Variants in CTNNA3 observed in about 807,000 individuals in gnomAD.
The protein encoded by CTNNA3 is catenin alpha 3.
A neutral mutation model predicts 95.7 loss-of-function variants in CTNNA3; 76 were observed. That is an observed-to-expected ratio of 0.79 (90% CI 0.66 to 0.96). CTNNA3 has a LOEUF of 0.96. Ranked by LOEUF, CTNNA3 falls within the 40% of genes least tolerant of loss-of-function variation. The probability of loss-of-function intolerance (pLI) is 0.00; values close to 1 mark genes in which losing one functional copy is unlikely to be tolerated. For missense variants in CTNNA3, 1,191 were observed against 1,089.8 expected (o/e 1.09, Z -1.31); for synonymous variants, 431 against 374.4 (o/e 1.15, Z -1.74).
intron 7 of CTNNA3, among the ~76,000 whole-genome samples, chr10:67,030,198 A>C (rs1327216542): frequency 1.3e-5 from 2 of 152,338 alleles, no homozygotes; most frequent in Middle Eastern, 3.4e-3. Context: ...ACATTCATTT[A>C]TTGCATTTTT....
chr10:66,867,651 T>C (rs1241359112), intron 7 of CTNNA3, among the ~76,000 whole-genome samples: 3 of 152,062 alleles, frequency 2.0e-5, no homozygotes, highest in Non-Finnish European at 4.4e-5. Context: ...AAATAAAAAA[T>C]AGCTCTCACG....
At position 66,508,210 on chromosome 10, in the gene CTNNA3, G is replaced by GTTTTTTTT. The variant is rs756807793; in HGVS notation, c.1531+12399_1531+12406dup. Among the ~76,000 whole-genome samples, 110 of 108,414 alleles carry GTTTTTTTT rather than the reference G, an allele frequency of 1.0e-3. 4 individuals are homozygous for GTTTTTTTT. Among genetic ancestry groups the GTTTTTTTT allele is most frequent in the African/African-American group, 3.5e-3 (98 of 28,308 alleles). 71.1% of individuals were successfully genotyped at this position (108,414 alleles called of 152,430 possible). A position where few individuals can be genotyped will look rare whatever the true frequency, so the allele number is the denominator to read the frequency against. On this transcript the variant is annotated intron_variant, in intron 11 of 17. Coordinates refer to ENST00000433211, the MANE Select transcript of CTNNA3 (RefSeq NM_013266.4). The stretch of plus-strand genomic sequence containing the variant: ...TTTTTTTTGTTTTGTTTTGTTTTCT[G>GTTTTTTTT]TTTTTTTTTTTTTTAACAATTTCGT...
rs369404889 is a variant in CTNNA3 at position 67,717,076 on chromosome 10, T to C, written c.-2+46358A>G. ...TTTGTATTTCTCTAATGACCAGTGA[T>C]GATGAGCTTTTTTTCACATGTTTGT... is the stretch of plus-strand genomic sequence containing the variant. On this transcript the variant is annotated intron_variant, in intron 1 of 17. Coordinates refer to the CTNNA3 transcript ENST00000684154. Among the ~76,000 whole-genome samples, 9 of 152,366 alleles carry C rather than the reference T, an allele frequency of 5.9e-5. No individual in the cohort carries two copies. In the East Asian group the frequency reaches 1.7e-3, roughly 29 times the overall value.
intron 11 of CTNNA3, among the ~76,000 whole-genome samples, chr10:66,456,769 T>A (rs1481509984): frequency 6.6e-6 from 1 of 152,038 alleles, no homozygotes. Context: ...AACATTATGA[T>A]GTAAATATGA....
chr10:67,144,294 C>T (rs904551936), intron 7 of CTNNA3, among the ~76,000 whole-genome samples: 1 of 152,144 alleles, frequency 6.6e-6, no homozygotes, highest in Admixed American at 6.5e-5. Context: ...AATTCAAGGG[C>T]CCCAGAATTT....
At chr10:67,097,632 C>A (rs144426529) in intron 7 of CTNNA3, 8 of 1,612,488 alleles carry the variant, frequency 5.0e-6, no homozygotes. Context: ...ATACGACCAG[C>A]CCACAATAAG....
intron 10 of CTNNA3, among the ~76,000 whole-genome samples, chr10:66,542,019 A>G (rs1259395625): frequency 1.3e-5 from 2 of 152,176 alleles, no homozygotes; most frequent in East Asian, 3.9e-4. Context: ...CAGAATCCAC[A>G]AAGAGCTCAA....
chr10:66,882,251 C>T (rs1250729013), intron 7 of CTNNA3, among the ~76,000 whole-genome samples: 2 of 152,038 alleles, frequency 1.3e-5, no homozygotes, highest in African/African-American at 4.8e-5. Flanking sequence ...CAAAATGTAC[C>T]TCATGTGGTC....
intron 1 of CTNNA3, among the ~76,000 whole-genome samples, chr10:67,656,728 G>A (rs1048051115): frequency 1.5e-4 from 23 of 151,916 alleles, no homozygotes; most frequent in African/African-American, 5.3e-4. Flanking sequence ...ACAGCCGGGG[G>A]AAGAGCACTG....
chr10:67,481,493 C>G (rs1018789431), intron 5 of CTNNA3, among the ~76,000 whole-genome samples: 4 of 152,088 alleles, frequency 2.6e-5, no homozygotes, highest in African/African-American at 9.7e-5. Context: ...AATGTTCAAG[C>G]TGAGAGTCAA....
intron 7 of CTNNA3, among the ~76,000 whole-genome samples, chr10:66,950,558 CA>C (rs1251719087): frequency 1.3e-5 from 2 of 151,826 alleles, no homozygotes; most frequent in Non-Finnish European, 2.9e-5. Context: ...AGATTTAGTT[CA>C]TATCATAAAA....
intron 5 of CTNNA3, among the ~76,000 whole-genome samples, chr10:67,424,876 A>G (rs924327929): frequency 5.9e-5 from 9 of 152,134 alleles, no homozygotes; most frequent in African/African-American, 2.2e-4. Flanking sequence ...TTAAATGAAT[A>G]CATAGGTCTG....
At chr10:67,613,399 C>T (rs964859197) in intron 2 of CTNNA3, among the ~76,000 whole-genome samples, 1 of 151,674 alleles carries the variant, frequency 6.6e-6, no homozygotes, top group African/African-American at 2.4e-5. Context: ...TAAAACCCTA[C>T]ATTTTAGAAG....
chr10:67,592,575 T>C (rs888386686), intron 3 of CTNNA3, among the ~76,000 whole-genome samples: 5 of 152,160 alleles, frequency 3.3e-5, no homozygotes, highest in South Asian at 2.1e-4. Context: ...AAATGACTTA[T>C]AGTTAATTTG....
At chr10:66,626,372 T>C (rs1393395024) in intron 9 of CTNNA3, among the ~76,000 whole-genome samples, 1 of 131,404 alleles carries the variant, frequency 7.6e-6, no homozygotes, top group Non-Finnish European at 1.7e-5. Context: ...ATATTGTTCA[T>C]ATAGTTAATT....
chr10:67,174,649 G>GA (rs1019915635), intron 7 of CTNNA3, among the ~76,000 whole-genome samples: 15 of 150,740 alleles, frequency 1.0e-4, no homozygotes, highest in Non-Finnish European at 1.3e-4. Flanking sequence ...AGAAATCAGA[G>GA]AAAAAAAAAG....
At chr10:66,056,657 T>C (rs2133556333) in intron 15 of CTNNA3, among the ~76,000 whole-genome samples, 1 of 152,292 alleles carries the variant, frequency 6.6e-6, no homozygotes, top group African/African-American at 2.4e-5. Flanking sequence ...AGCCATCAGC[T>C]TTTAGCCATT....
intron 2 of CTNNA3, among the ~76,000 whole-genome samples, chr10:67,607,827 C>T (rs1286709589): frequency 2.0e-5 from 3 of 152,168 alleles, no homozygotes; most frequent in African/African-American, 7.2e-5. Flanking sequence ...TCTTCAACTA[C>T]CCCAGTCATC....
chr10:66,712,539 G>A (rs1403972534), intron 9 of CTNNA3, among the ~76,000 whole-genome samples: 2 of 151,948 alleles, frequency 1.3e-5, no homozygotes, highest in African/African-American at 2.4e-5. Flanking sequence ...ATATGGAGAA[G>A]TTATTAATAA....
Sources: gnomAD v4.1 joint callset for allele counts (sites outside exome capture counted in the v4.1 genomes callset) on GRCh38, gnomAD v4.1.1 for gene constraint, MANE v1.5 for transcripts, NCBI Gene and HGNC (gene_info 2026-07-23, HGNC 2026-07-21) for gene names.